Variants in RNF130 observed in about 807,000 individuals in gnomAD.
The protein encoded by RNF130 is E3 ubiquitin-protein ligase RNF130.
RNF130 carries 21 observed loss-of-function variants against 44.6 expected under a neutral mutation model. The ratio of observed to expected loss-of-function variants is 0.47; its 90% CI spans 0.33 to 0.68. RNF130 has a LOEUF of 0.68. Ranked by LOEUF, RNF130 falls within the 30% of genes least tolerant of loss-of-function variation. The pLI is 0.02. For missense variants in RNF130, 479 were observed against 560.6 expected (o/e 0.85, Z 1.47); for synonymous variants, 214 against 210.4 (o/e 1.02, Z -0.15).
intron 6 of RNF130, among the ~76,000 whole-genome samples, chr5:179,968,493 C>G (rs36750): frequency 0.53 from 80,509 of 151,220 alleles, 23,087 homozygotes; most frequent in Middle Eastern, 0.74. Context: ...TGGGGAAACC[C>G]CATCTCTACT....
At chr5:179,937,218 C>T (rs1015263171) in intron 7 of RNF130, among the ~76,000 whole-genome samples, 4 of 152,056 alleles carry the variant, frequency 2.6e-5, no homozygotes, top group South Asian at 2.1e-4. Context: ...ATCATCAAAA[C>T]GAAAGACTTG....
chr5:180,008,967 A>C (rs1019313807), intron 3 of RNF130, among the ~76,000 whole-genome samples: 1 of 152,210 alleles, frequency 6.6e-6, no homozygotes, highest in African/African-American at 2.4e-5. Flanking sequence ...TAAAAGAAGA[A>C]GTCTCAAAAG....
chr5:180,050,263 A>C (rs1490670185), intron 1 of RNF130, among the ~76,000 whole-genome samples: 2 of 152,238 alleles, frequency 1.3e-5, no homozygotes, highest in African/African-American at 4.8e-5. Flanking sequence ...GACCCAGCAG[A>C]GCCGATGGAG....
rs576650066 is a variant in RNF130, at chr5:180,060,852, G to A, written c.247+10604C>T. 2.9e-4 allele frequency among the ~76,000 whole-genome samples: 44 copies of A among 152,186 alleles called. No homozygotes were observed. The South Asian group carries it at 7.7e-3, about 27-fold the overall frequency. On this transcript the variant is annotated intron_variant, in intron 1 of 8. Transcript: ENST00000521389. ...TGGGAGGCCGAGGTGGGCGGATCAC[G>A]AGGTCGGGCGATCGAGACCATCCTG...
intron 2 of RNF130, chr5:180,015,252 T>C: frequency 2.1e-6 from 1 of 470,270 alleles, no homozygotes. Context: ...GCTTTAAATT[T>C]CCCTTTAGAA....
intron 7 of RNF130, among the ~76,000 whole-genome samples, chr5:179,928,297 C>T (rs1761736066): frequency 6.6e-6 from 1 of 152,060 alleles, no homozygotes. Flanking sequence ...CCAACTTTGA[C>T]TCCCACCAGT....
intron 3 of RNF130, among the ~76,000 whole-genome samples, chr5:179,982,947 T>C (rs1414581339): frequency 6.6e-6 from 1 of 152,240 alleles, no homozygotes; most frequent in African/African-American, 2.4e-5. Context: ...CATGTACTTA[T>C]TGGCCATGTG....
chr5:179,932,406 C>T lies in RNF130; in HGVS notation c.1151-11980G>A, dbSNP rs139326265. On this transcript the variant is annotated intron_variant, in intron 7 of 7. Transcript: ENST00000522208. Reference sequence around the variant, plus strand: ...CTGAGTAGCTGGGACTACAGACATGCGCCACCACTCCCGGCTGATTTTTCT... The same window carrying T: ...CTGAGTAGCTGGGACTACAGACATGTGCCACCACTCCCGGCTGATTTTTCT... 9.7e-3 allele frequency among the ~76,000 whole-genome samples: 1,472 copies of T among 151,972 alleles called. 29 individuals are homozygous for T. Among genetic ancestry groups the T allele is most frequent in the African/African-American group, 0.034 (1,396 of 41,484 alleles).
intron 1 of RNF130, among the ~76,000 whole-genome samples, chr5:180,050,266 C>T (rs1393740381): frequency 2.0e-5 from 3 of 152,202 alleles, no homozygotes; most frequent in Non-Finnish European, 2.9e-5. Flanking sequence ...CCAGCAGAGC[C>T]GATGGAGTTC....
rs182943596 is a variant in RNF130, at chr5:180,031,469, A to G, written c.442+8984T>C. Among the ~76,000 whole-genome samples the G allele has an allele frequency of 2.3e-3, 345 of 152,266 alleles. 1 individual carries two copies. Among genetic ancestry groups the G allele is most frequent in the Non-Finnish European group, 3.7e-3 (255 of 68,014 alleles). The stretch of plus-strand genomic sequence containing the variant: ...ACCACTGCACTCCAGCCTGGGTGAC[A>G]GAGTTGAGACTCCATCTCAAAAAAA... On this transcript the variant is annotated intron_variant, in intron 2 of 8. Transcript: ENST00000521389.
At position 179,966,952 on chromosome 5, in the gene RNF130, T is replaced by C. The variant is rs1762465514; in HGVS notation, c.1004A>G (p.Gln335Arg). The C allele has an allele frequency of 6.2e-7, 1 of 1,614,152 alleles. No homozygotes were observed. Among genetic ancestry groups the C allele is most frequent in the Non-Finnish European group, 8.5e-7 (1 of 1,180,060 alleles). ...AFDMERLTRT[Q>R]AVNRRSALGD... ...GAGGGCTGATCTTCGGTTAACAGCT[T>C]GGGTTCTGGTGAGCCTTTCCATATC... is the stretch of plus-strand genomic sequence containing the variant. Residue 335 changes from glutamine to arginine, a missense_variant, in exon 7 of 9, where the codon CAA becomes CGA. Gln to Arg is a conservative substitution (Grantham distance 43). Transcript: ENST00000521389.
intron 3 of RNF130, among the ~76,000 whole-genome samples, chr5:179,996,912 G>A (rs1202213090): frequency 3.9e-5 from 6 of 152,082 alleles, no homozygotes; most frequent in Non-Finnish European, 7.4e-5. Flanking sequence ...TTAAATGTTT[G>A]GCAGAATTCT....
At chr5:179,962,556 T>C (rs779544368) in intron 8 of RNF130, among the ~76,000 whole-genome samples, 100 of 152,250 alleles carry the variant, frequency 6.6e-4, no homozygotes, top group Non-Finnish European at 1.1e-3. Context: ...CTCTAATTAG[T>C]TTTCATGAAT....
chr5:180,051,007 T>G (rs1008073321), intron 1 of RNF130, among the ~76,000 whole-genome samples: 10 of 152,090 alleles, frequency 6.6e-5, no homozygotes, highest in African/African-American at 2.4e-4. Context: ...CTCACTATGT[T>G]GCCCAGGCTG....
chr5:180,071,202 A>C (rs1387216610), intron 1 of RNF130, among the ~76,000 whole-genome samples: 1 of 152,246 alleles, frequency 6.6e-6, no homozygotes, highest in Non-Finnish European at 1.5e-5. Context: ...GCCCTCCAGC[A>C]AACGAGCTGC....
chr5:180,062,536 G>A (rs958704821), intron 1 of RNF130, among the ~76,000 whole-genome samples: 4 of 152,112 alleles, frequency 2.6e-5, no homozygotes, highest in Non-Finnish European at 5.9e-5. Flanking sequence ...CCCTTTAAGT[G>A]GAATATTAAT....
intron 7 of RNF130, chr5:179,933,876 C>G (rs1053092032): frequency 3.4e-5 from 26 of 756,280 alleles, no homozygotes; most frequent in Admixed American, 1.2e-4. Flanking sequence ...ATGTTGCCAG[C>G]TGAGGTTGTT....
chr5:180,070,909 A>G (rs1765240545), intron 1 of RNF130, among the ~76,000 whole-genome samples: 1 of 152,194 alleles, frequency 6.6e-6, no homozygotes, highest in Non-Finnish European at 1.5e-5. Context: ...TTCAGGCGTC[A>G]AATTACAGTA....
At chr5:180,004,789 C>T (rs1260220758) in intron 3 of RNF130, among the ~76,000 whole-genome samples, 1 of 152,208 alleles carries the variant, frequency 6.6e-6, no homozygotes, top group Non-Finnish European at 1.5e-5. Context: ...AACTCTCTCA[C>T]AGAATTAGAG....
Sources: gnomAD v4.1 joint callset for allele counts (sites outside exome capture counted in the v4.1 genomes callset) on GRCh38, gnomAD v4.1.1 for gene constraint, MANE v1.5 for transcripts, NCBI Gene and HGNC (gene_info 2026-07-23, HGNC 2026-07-21) for gene names.